Variants in XRCC4 observed in about 807,000 individuals in gnomAD.
XRCC4 encodes X-ray repair cross complementing 4.
XRCC4 carries 28 observed loss-of-function variants against 39.1 expected under a neutral mutation model. The ratio of observed to expected loss-of-function variants is 0.72; its 90% CI spans 0.53 to 0.98. The LOEUF is 0.98. XRCC4 is among the 50% of genes least tolerant of loss of function. The pLI, the probability that XRCC4 is intolerant of heterozygous loss-of-function variation, is 0.00. For synonymous variants in XRCC4, 123 were observed against 126.4 expected (o/e 0.97, Z 0.18); for missense variants, 350 against 376.4 (o/e 0.93, Z 0.58).
intron 6 of XRCC4, among the ~76,000 whole-genome samples, chr5:83,230,937 T>C (rs979948793): frequency 6.6e-6 from 1 of 151,660 alleles, no homozygotes; most frequent in Non-Finnish European, 1.5e-5. Flanking sequence ...TTGCATAGGG[T>C]TGCTCGTGTC....
chr5:83,159,848 C>T (rs1749123837), intron 3 of XRCC4, among the ~76,000 whole-genome samples: 1 of 152,020 alleles, frequency 6.6e-6, no homozygotes, highest in Non-Finnish European at 1.5e-5. Flanking sequence ...TCTATGGACA[C>T]CTGACAGGAT....
chr5:83,256,595 C>T (rs1753548660), intron 6 of XRCC4, among the ~76,000 whole-genome samples: 1 of 151,070 alleles, frequency 6.6e-6, no homozygotes, highest in East Asian at 1.9e-4. Context: ...TTAGTCATCT[C>T]TTAGCTTAAC....
chr5:83,247,887 A>C (rs1353959487), intron 6 of XRCC4, among the ~76,000 whole-genome samples: 1 of 152,172 alleles, frequency 6.6e-6, no homozygotes, highest in Non-Finnish European at 1.5e-5. Context: ...CAGTAAGAGA[A>C]CTCAAAACAT....
intron 3 of XRCC4, among the ~76,000 whole-genome samples, chr5:83,154,678 C>A (rs10474094): frequency 0.48 from 73,685 of 151,986 alleles, 18,831 homozygotes; most frequent in African/African-American, 0.63. Flanking sequence ...GCATCAAGAG[C>A]AATAGTCTTT....
rs563297295 is a variant in XRCC4, at chr5:83,227,362, C to T, written c.745+22441C>T. Among the ~76,000 whole-genome samples the T allele has an allele frequency of 6.6e-5, 10 of 152,012 alleles. No individual in the cohort carries two copies. In the South Asian group the frequency reaches 1.2e-3, roughly 19 times the overall value. ...ATGCCTCATATTGTTTGCTGATGGA[C>T]GATTATGTAATATACCTTGAAAGTA... On this transcript the variant is annotated intron_variant, in intron 6 of 7. Coordinates refer to ENST00000396027, the MANE Select transcript of XRCC4 (RefSeq NM_003401.5).
At position 83,229,744 on chromosome 5, in the gene XRCC4, G is replaced by A. The variant is rs544832078; in HGVS notation, c.745+24823G>A. ...ACACCGAGTTAATAAAAACTAAACA[G>A]GTTTATTCTAAACTGTTTGGTCTTT... is the stretch of plus-strand genomic sequence containing the variant. On this transcript the variant is annotated intron_variant, in intron 6 of 7. Transcript: ENST00000396027. 2.9e-5 allele frequency among the ~76,000 whole-genome samples: 4 copies of A among 138,212 alleles called. No individual in the cohort carries two copies. The East Asian group carries it at 8.5e-4, about 29-fold the overall frequency. The allele number at this position is 138,212 out of a possible 152,430, so 90.7% of individuals were successfully genotyped here.
chr5:83,337,789 G>C (rs1400247439), intron 7 of XRCC4, among the ~76,000 whole-genome samples: 2 of 152,154 alleles, frequency 1.3e-5, no homozygotes, highest in East Asian at 1.9e-4. Flanking sequence ...CTGGAACAAA[G>C]ACTTACTTGA....
chr5:83,093,824 A>T (rs1169009253), intron 1 of XRCC4, among the ~76,000 whole-genome samples: 2 of 152,144 alleles, frequency 1.3e-5, no homozygotes, highest in African/African-American at 4.8e-5. Flanking sequence ...CTTGTCTGGG[A>T]AAGTTTTTAT....
intron 7 of XRCC4, 64 bp from the exon 8 acceptor site, chr5:83,353,067 T>A (rs908251073): frequency 7.6e-7 from 1 of 1,320,604 alleles, no homozygotes; most frequent in Admixed American, 2.4e-5. Flanking sequence ...TCTCTTCATT[T>A]TCTTTTACTC....
chr5:83,372,511 G>C, the XRCC4 span, among the ~76,000 whole-genome samples: 1 of 152,098 alleles, frequency 6.6e-6, no homozygotes. Context: ...TGGACCCCTG[G>C]GGGTAGCAGA....
At chr5:83,255,876 C>A (rs1361118568) in intron 6 of XRCC4, among the ~76,000 whole-genome samples, 4 of 152,104 alleles carry the variant, frequency 2.6e-5, no homozygotes, top group Non-Finnish European at 5.9e-5. Context: ...GGACACAGAA[C>A]CATTTAAAAA....
chr5:83,333,202 C>T (rs1756492204), intron 7 of XRCC4, among the ~76,000 whole-genome samples: 1 of 152,094 alleles, frequency 6.6e-6, no homozygotes, highest in Non-Finnish European at 1.5e-5. Flanking sequence ...CAGAGAAAGT[C>T]AAGGTCCACT....
chr5:83,349,167 C>G (rs541988024), intron 7 of XRCC4, among the ~76,000 whole-genome samples: 111 of 152,256 alleles, frequency 7.3e-4, no homozygotes, highest in African/African-American at 2.6e-3. Context: ...ACCTTTATAG[C>G]AATGCCCCAC....
intron 3 of XRCC4, among the ~76,000 whole-genome samples, chr5:83,183,440 G>GTGTGTA (rs1750294121): frequency 6.6e-6 from 1 of 151,216 alleles, no homozygotes; most frequent in African/African-American, 2.4e-5. Flanking sequence ...GTGTGTGTGT[G>GTGTGTA]TGTGTGTGTG....
chr5:83,153,897 T>G (rs931104469), intron 3 of XRCC4, among the ~76,000 whole-genome samples: 1 of 152,254 alleles, frequency 6.6e-6, no homozygotes, highest in Non-Finnish European at 1.5e-5. Flanking sequence ...AAGACACTTT[T>G]TATTCACATA....
chr5:83,077,686 C>T (rs930661295), intron 1 of XRCC4, 71 bp downstream of exon 1: 2 of 232,866 alleles, frequency 8.6e-6, no homozygotes, highest in Non-Finnish European at 1.7e-5. Context: ...TATCTTTTTG[C>T]TTTCTTTTTA....
intron 3 of XRCC4, among the ~76,000 whole-genome samples, chr5:83,143,764 CA>C (rs1223710528): frequency 2.0e-5 from 3 of 151,902 alleles, no homozygotes; most frequent in African/African-American, 7.2e-5. Flanking sequence ...TTCTCGTCTC[CA>C]TTTTTTTTTC....
chr5:83,121,331 G>A lies in XRCC4; in HGVS notation c.315+10128G>A, dbSNP rs1746999944. ...TAGTTGGGTTATATGGTAGGCATAT[G>A]TTTAGCTTTTTAAGAAACTGCCCAA... is the stretch of plus-strand genomic sequence containing the variant. On this transcript the variant is annotated intron_variant, in intron 3 of 7. Coordinates refer to ENST00000396027, the MANE Select transcript of XRCC4 (RefSeq NM_003401.5). 2.0e-5 allele frequency among the ~76,000 whole-genome samples: 3 copies of A among 152,144 alleles called. No homozygotes were observed. The South Asian group carries it at 6.2e-4, about 31-fold the overall frequency.
At chr5:83,342,110 T>C (rs1249811620) in intron 7 of XRCC4, among the ~76,000 whole-genome samples, 1 of 152,240 alleles carries the variant, frequency 6.6e-6, no homozygotes, top group African/African-American at 2.4e-5. Context: ...TTGGAATGTA[T>C]GCAGGACATT....
Sources: allele counts gnomAD v4.1 joint callset (sites outside exome capture counted in the v4.1 genomes callset), GRCh38; gene constraint gnomAD v4.1.1; transcripts MANE v1.5; gene names NCBI Gene and HGNC (gene_info 2026-07-23, HGNC 2026-07-21).